ALG9: variants seen among roughly 807,000 people sequenced by gnomAD.
The protein encoded by ALG9 is alpha-1,2-mannosyltransferase ALG9.
A neutral mutation model predicts 81.8 loss-of-function variants in ALG9; 55 were observed. The ratio of observed to expected loss-of-function variants is 0.67; its 90% CI spans 0.54 to 0.84. The LOEUF (loss-of-function observed/expected upper bound fraction) is 0.84. ALG9 is among the 40% of genes least tolerant of loss of function. The pLI is 0.00. For synonymous variants in ALG9, 278 were observed against 274.3 expected (o/e 1.01, Z -0.13); for missense variants, 629 against 745.0 (o/e 0.84, Z 1.81).
rs1946446645 is a variant in ALG9, at chr11:111,786,205, A to T, written c.*192T>A. 3.6e-6 allele frequency: 3 copies of T among 838,622 alleles called. No individual in the cohort carries two copies. Among genetic ancestry groups the T allele is most frequent in the Non-Finnish European group, 5.9e-6 (3 of 510,234 alleles). 51.9% of individuals were successfully genotyped at this position (838,622 alleles called of 1,614,324 possible). A position where few individuals can be genotyped will look rare whatever the true frequency, so the allele number is the denominator to read the frequency against. The stretch of plus-strand genomic sequence containing the variant: ...CAAAAAGTTTACATGCAGAACAGAG[A>T]CACACACAGGGAGCAAATGTGACTT... On this transcript the variant is annotated 3_prime_UTR_variant, in exon 15 of 15. Coordinates refer to ENST00000616540, the MANE Select transcript of ALG9 (RefSeq NM_024740.2).
At chr11:111,803,951 G>A (rs1169217358) in intron 14 of ALG9, among the ~76,000 whole-genome samples, 2 of 151,818 alleles carry the variant, frequency 1.3e-5, no homozygotes, top group East Asian at 1.9e-4. Context: ...TGGCCAACAT[G>A]GTGAAACCCC....
At chr11:111,857,011 G>A (rs1235199926) in intron 6 of ALG9, among the ~76,000 whole-genome samples, 1 of 152,228 alleles carries the variant, frequency 6.6e-6, no homozygotes, top group African/African-American at 2.4e-5. Context: ...GGGGGCTGAG[G>A]CAGGAGAATC....
At chr11:111,833,792 T>C (rs1555115056) in intron 13 of ALG9, among the ~76,000 whole-genome samples, 1 of 152,242 alleles carries the variant, frequency 6.6e-6, no homozygotes, top group African/African-American at 2.4e-5. Context: ...TGAAAAATCA[T>C]CACCTTTCGG....
chr11:111,788,250 G>A (rs1946765680), intron 14 of ALG9, among the ~76,000 whole-genome samples: 1 of 152,190 alleles, frequency 6.6e-6, no homozygotes, highest in Non-Finnish European at 1.5e-5. Context: ...ATGACACTGT[G>A]CTTGGCATGC....
chr11:111,780,643 C>T (rs567000449), downstream of ALG9, among the ~76,000 whole-genome samples: 30 of 152,134 alleles, frequency 2.0e-4, no homozygotes, highest in South Asian at 4.2e-4. Context: ...GTGATCTGCC[C>T]GCCTCAGCCT....
intron 8 of ALG9, among the ~76,000 whole-genome samples, chr11:111,850,959 T>C (rs1285214440): frequency 1.3e-5 from 2 of 152,038 alleles, no homozygotes; most frequent in Non-Finnish European, 2.9e-5. Flanking sequence ...CTCAGGTTCA[T>C]TAAAGTAGGC....
At chr11:111,849,216 A>G (rs1368724237) in intron 8 of ALG9, among the ~76,000 whole-genome samples, 1 of 151,946 alleles carries the variant, frequency 6.6e-6, no homozygotes, top group East Asian at 1.9e-4. Flanking sequence ...ACGCCCAGCT[A>G]ATTTTTGTAT....
At chr11:111,777,820 C>T (rs182880692), downstream of ALG9, among the ~76,000 whole-genome samples, 5 of 152,302 alleles carry the variant, frequency 3.3e-5, no homozygotes, top group Non-Finnish European at 7.4e-5. Context: ...CTTAGAGACA[C>T]AGTAACAGGG....
the ALG9 span, among the ~76,000 whole-genome samples, chr11:111,768,159 CAG>C: frequency 6.6e-6 from 1 of 152,202 alleles, no homozygotes; most frequent in East Asian, 1.9e-4. Context: ...GTAGTTGTAA[CAG>C]AAAAATGGTG....
chr11:111,867,869 G>C (rs1190522450), intron 3 of ALG9, among the ~76,000 whole-genome samples: 3 of 152,142 alleles, frequency 2.0e-5, no homozygotes, highest in African/African-American at 4.8e-5. Context: ...AGCAGGGAAA[G>C]AGCGTTAGTG....
intron 13 of ALG9, among the ~76,000 whole-genome samples, chr11:111,831,549 G>A (rs1442815533): frequency 6.6e-6 from 1 of 152,140 alleles, no homozygotes; most frequent in Non-Finnish European, 1.5e-5. Context: ...GCTACTTAAT[G>A]TCTATTTGGC....
intron 4 of ALG9, chr11:111,864,461 T>C (rs1961573883): frequency 1.3e-6 from 1 of 747,152 alleles, no homozygotes; most frequent in Admixed American, 1.8e-5. Flanking sequence ...TTTTTTGTAG[T>C]AAAATGAATT....
At chr11:111,821,566 C>G (rs1206227763) in intron 13 of ALG9, among the ~76,000 whole-genome samples, 1 of 152,218 alleles carries the variant, frequency 6.6e-6, no homozygotes, top group Non-Finnish European at 1.5e-5. Flanking sequence ...AAATGGTCCA[C>G]TCATGTGTGT....
intron 5 of ALG9, among the ~76,000 whole-genome samples, chr11:111,860,102 G>C (rs1252749243): frequency 6.6e-6 from 1 of 152,114 alleles, no homozygotes; most frequent in Admixed American, 6.5e-5. Context: ...GTAGAAAACA[G>C]AATCATCAAC....
chr11:111,851,477 C>CAAAAA (rs11343980), intron 8 of ALG9, among the ~76,000 whole-genome samples: 1 of 105,050 alleles, frequency 9.5e-6, no homozygotes, highest in African/African-American at 3.6e-5. Context: ...AACTCCATCT[C>CAAAAA]AAAAAAAAAA....
At position 111,822,605 on chromosome 11, in the gene ALG9, C is replaced by T. The variant is rs541756206; in HGVS notation, c.1603-12832G>A. ...GTGTGCACCTGTAGTCCCAGCTACT[C>T]AGGAGGGCGAGGTGGGAGAATCACC... On this transcript the variant is annotated intron_variant, in intron 13 of 14. Coordinates refer to ENST00000616540, the MANE Select transcript of ALG9 (RefSeq NM_024740.2). Among the ~76,000 whole-genome samples the T allele has an allele frequency of 1.3e-4, 20 of 152,084 alleles. No homozygotes were observed. In the South Asian group the frequency reaches 4.2e-3, roughly 32 times the overall value.
rs2136171266 is a variant in ALG9, at chr11:111,784,244, T to G, written c.*2153A>C. On this transcript the variant is annotated 3_prime_UTR_variant, in exon 15 of 15. Coordinates refer to ENST00000616540, the MANE Select transcript of ALG9 (RefSeq NM_024740.2). The stretch of plus-strand genomic sequence containing the variant: ...CAGTCTATCCTCACACACTCCCCAG[T>G]TATTGTTCTGTACTGTCTAGACCTA... The G allele has an allele frequency of 6.6e-6, 1 of 152,336 alleles. No homozygotes were observed. Among genetic ancestry groups the G allele is most frequent in the South Asian group, 2.1e-4 (1 of 4,824 alleles). 9.4% of individuals were successfully genotyped at this position (152,336 alleles called of 1,614,324 possible).
intron 9 of ALG9, among the ~76,000 whole-genome samples, chr11:111,844,359 T>C (rs781866120): frequency 1.1e-4 from 16 of 152,192 alleles, no homozygotes; most frequent in Admixed American, 2.0e-4. Context: ...GTAAATTATA[T>C]TGACTTCCTC....
In ALG9 at chr11:111,808,791, C is replaced by G. The variant is rs148510177; in HGVS notation, c.1733+852G>C. On this transcript the variant is annotated intron_variant, in intron 14 of 14. Transcript: ENST00000616540. The stretch of plus-strand genomic sequence containing the variant: ...TCCTTAACTCCAACTGTCTGTTTAC[C>G]TGGACCTCTGCCCTCAGACACCTTG... Among the ~76,000 whole-genome samples, 13 of 152,314 alleles carry G rather than the reference C, an allele frequency of 8.5e-5. No homozygotes were observed. The East Asian group carries it at 2.3e-3, about 27-fold the overall frequency.
Sources: gnomAD v4.1 joint callset for allele counts (sites outside exome capture counted in the v4.1 genomes callset) on GRCh38, gnomAD v4.1.1 for gene constraint, MANE v1.5 for transcripts, NCBI Gene and HGNC (gene_info 2026-07-23, HGNC 2026-07-21) for gene names.